ARHGEF3: variants seen among roughly 807,000 people sequenced by gnomAD.
ARHGEF3 encodes the protein Rho guanine nucleotide exchange factor 3.
ARHGEF3 carries 28 observed loss-of-function variants against 63.2 expected under a neutral mutation model. The ratio of observed to expected loss-of-function variants is 0.44; its 90% CI spans 0.33 to 0.61. ARHGEF3 has a LOEUF of 0.61. ARHGEF3 is among the 20% of genes least tolerant of loss of function. ARHGEF3 has a pLI of 0.03. For missense variants in ARHGEF3, 533 were observed against 659.3 expected (o/e 0.81, Z 2.10); for synonymous variants, 266 against 254.2 (o/e 1.05, Z -0.44).
chr3:56,892,577 C>CA (rs2041159528), intron 3 of ARHGEF3, among the ~76,000 whole-genome samples: 1 of 150,166 alleles, frequency 6.7e-6, no homozygotes, highest in Non-Finnish European at 1.5e-5. Context: ...CCATTATCAA[C>CA]AAAAAATATT....
At chr3:57,070,980 AAAAAAAAG>A (rs1349033977) in intron 1 of ARHGEF3, among the ~76,000 whole-genome samples, 8 of 149,636 alleles carry the variant, frequency 5.3e-5, no homozygotes, top group East Asian at 2.1e-4. Context: ...ACAAAAAAAA[AAAAAAAAG>A]AAAGAAAGAA....
chr3:56,958,242 T>G (rs554067687), intron 3 of ARHGEF3, among the ~76,000 whole-genome samples: 76 of 152,078 alleles, frequency 5.0e-4, no homozygotes, highest in African/African-American at 1.7e-3. Context: ...ACTTCTTAGC[T>G]TCTTCACAAG....
intron 3 of ARHGEF3, among the ~76,000 whole-genome samples, chr3:56,924,764 T>A (rs1280663901): frequency 6.6e-6 from 1 of 152,198 alleles, no homozygotes; most frequent in East Asian, 1.9e-4. Flanking sequence ...GCAACCTGTT[T>A]TATCAGCAAG....
At chr3:56,856,541 C>T (rs2039888107) in intron 4 of ARHGEF3, among the ~76,000 whole-genome samples, 1 of 150,760 alleles carries the variant, frequency 6.6e-6, no homozygotes, top group Non-Finnish European at 1.5e-5. Context: ...GGGTCCCCCT[C>T]CCCCTTCCCC....
intron 3 of ARHGEF3, among the ~76,000 whole-genome samples, chr3:56,910,068 G>T (rs2041815100): frequency 6.6e-6 from 1 of 152,170 alleles, no homozygotes; most frequent in Non-Finnish European, 1.5e-5. Flanking sequence ...GTAAATGTTT[G>T]TTATTGTTTG....
chr3:56,852,318 T>C (rs1365896957), intron 4 of ARHGEF3, among the ~76,000 whole-genome samples: 1 of 152,202 alleles, frequency 6.6e-6, no homozygotes, highest in East Asian at 1.9e-4. Flanking sequence ...GTTTTCTTGA[T>C]TTCTTAGATG....
At chr3:56,940,596 C>T (rs552166433) in intron 3 of ARHGEF3, 10 of 152,096 alleles carry the variant, frequency 6.6e-5, no homozygotes, top group South Asian at 2.1e-4. Context: ...AGGATCTATA[C>T]AGCCTGGCTT....
intron 4 of ARHGEF3, among the ~76,000 whole-genome samples, chr3:56,811,436 G>A (rs1272398259): frequency 1.3e-5 from 2 of 152,182 alleles, no homozygotes; most frequent in African/African-American, 4.8e-5. Context: ...AGTTCAACTA[G>A]TAGAAACAGG....
intron 1 of ARHGEF3, among the ~76,000 whole-genome samples, chr3:57,058,397 T>G (rs1029056356): frequency 6.6e-6 from 1 of 152,224 alleles, no homozygotes; most frequent in Non-Finnish European, 1.5e-5. Context: ...TGAGTGATAC[T>G]TGTACCCAAT....
exon 1 of ARHGEF3, chr3:57,079,250 T>C (rs1706352441): frequency 5.3e-6 from 2 of 378,296 alleles, no homozygotes; most frequent in Non-Finnish European, 9.3e-6. Flanking sequence ...TGGTTCGGCC[T>C]CTCCAGGCTG....
intron 2 of ARHGEF3, among the ~76,000 whole-genome samples, chr3:56,969,278 C>T (rs1186979023): frequency 1.4e-5 from 2 of 148,026 alleles, no homozygotes; most frequent in Non-Finnish European, 3.0e-5. Flanking sequence ...GAGACGAGAT[C>T]GAAATGATTT....
At chr3:56,893,038 A>G (rs1477486321) in intron 3 of ARHGEF3, among the ~76,000 whole-genome samples, 4 of 152,268 alleles carry the variant, frequency 2.6e-5, no homozygotes, top group Non-Finnish European at 5.9e-5. Context: ...ATTCCTTTAA[A>G]TAAACAAAAG....
intron 2 of ARHGEF3, among the ~76,000 whole-genome samples, chr3:57,016,503 G>A (rs1175923549): frequency 1.3e-5 from 2 of 151,958 alleles, no homozygotes; most frequent in Non-Finnish European, 2.9e-5. Flanking sequence ...AGCTGAGATC[G>A]CACCACCGCA....
intron 2 of ARHGEF3, among the ~76,000 whole-genome samples, chr3:56,759,747 T>C (rs1357243942): frequency 6.6e-6 from 1 of 151,910 alleles, no homozygotes; most frequent in Non-Finnish European, 1.5e-5. Flanking sequence ...GGTCTTGCTG[T>C]GTTGCCCAGG....
At chr3:56,956,217 GT>G (rs57803439) in intron 3 of ARHGEF3, among the ~76,000 whole-genome samples, 97,477 of 149,804 alleles carry the variant, frequency 0.65, 32,489 homozygotes, top group Middle Eastern at 0.76. Flanking sequence ...CAGGGTTGGT[GT>G]TTTTTTTTTT....
intron 1 of ARHGEF3, among the ~76,000 whole-genome samples, chr3:57,045,468 C>G (rs1704412625): frequency 6.6e-6 from 1 of 152,168 alleles, no homozygotes; most frequent in Admixed American, 6.5e-5. Context: ...GTGCTGCCTA[C>G]TGTATGATAG....
intron 1 of ARHGEF3, among the ~76,000 whole-genome samples, chr3:56,800,447 T>C (rs1188351500): frequency 6.6e-6 from 1 of 152,186 alleles, no homozygotes; most frequent in African/African-American, 2.4e-5. Flanking sequence ...TCGACTGAGC[T>C]GGAGTGTAGG....
intron 3 of ARHGEF3, among the ~76,000 whole-genome samples, chr3:56,898,795 G>A (rs1228839762): frequency 6.6e-6 from 1 of 152,120 alleles, no homozygotes; most frequent in African/African-American, 2.4e-5. Context: ...GGTGGCTTAC[G>A]CCTGTAATCC....
At chr3:56,879,079 A>G (rs2040685103) in intron 4 of ARHGEF3, among the ~76,000 whole-genome samples, 1 of 152,210 alleles carries the variant, frequency 6.6e-6, no homozygotes, top group South Asian at 2.1e-4. Flanking sequence ...TAGTTGCAGG[A>G]AGGCAAGCTC....
Sources: gnomAD v4.1 joint callset for allele counts (sites outside exome capture counted in the v4.1 genomes callset) on GRCh38, gnomAD v4.1.1 for gene constraint, MANE v1.5 for transcripts, NCBI Gene and HGNC (gene_info 2026-07-23, HGNC 2026-07-21) for gene names.